Variants in APPL2 observed in about 807,000 individuals in gnomAD.
APPL2 encodes the protein DCC-interacting protein 13-beta.
APPL2 carries 84 observed loss-of-function variants against 92.7 expected under a neutral mutation model. The observed-to-expected ratio is 0.91, with a 90% confidence interval of 0.76 to 1.09. The LOEUF (loss-of-function observed/expected upper bound fraction) is 1.09. Ranked by LOEUF, APPL2 falls within the 50% of genes least tolerant of loss-of-function variation. APPL2 has a pLI of 0.00. For missense variants in APPL2, 736 were observed against 824.5 expected (o/e 0.89, Z 1.31); for synonymous variants, 291 against 291.0 (o/e 1.00, Z 0.00).
At chr12:105,175,073 G>A (rs542243416) in intron 20 of APPL2, among the ~76,000 whole-genome samples, 10 of 152,172 alleles carry the variant, frequency 6.6e-5, no homozygotes, top group African/African-American at 2.4e-4. Context: ...TAGTAGAGAT[G>A]GGGTTTCACC....
chr12:105,183,593 T>C (rs1034129781), intron 17 of APPL2, among the ~76,000 whole-genome samples: 8 of 152,308 alleles, frequency 5.3e-5, no homozygotes, highest in Non-Finnish European at 8.8e-5. Context: ...CCCCCACTCT[T>C]TTCTGGGTTG....
At chr12:105,175,189 T>C (rs749258615) in intron 20 of APPL2, among the ~76,000 whole-genome samples, 2 of 152,192 alleles carry the variant, frequency 1.3e-5, no homozygotes, top group African/African-American at 2.4e-5. Context: ...TGGCCTGCTT[T>C]TGTCTTATGA....
rs139347026 is a variant in APPL2 at position 105,204,915 on chromosome 12, C to A, written c.622-1130G>T. ...CAATGTAACACTGGAGGTCACTGTTCCGTTCTCAAAAACCTGCGCACTGAT... is the reference window on the plus strand; with the variant it reads ...CAATGTAACACTGGAGGTCACTGTTACGTTCTCAAAAACCTGCGCACTGAT... On this transcript the variant is annotated intron_variant, in intron 8 of 20. Coordinates refer to ENST00000258530, the MANE Select transcript of APPL2 (RefSeq NM_018171.5). 1.5e-3 allele frequency among the ~76,000 whole-genome samples: 236 copies of A among 152,280 alleles called. 1 individual carries two copies. Among genetic ancestry groups the A allele is most frequent in the African/African-American group, 5.4e-3 (226 of 41,554 alleles).
chr12:105,207,846 A>T, intron 7 of APPL2, 125 bp downstream of exon 7: 1 of 788,350 alleles, frequency 1.3e-6, no homozygotes. Context: ...GAACAATTTT[A>T]AAAGTCCATG....
At chr12:105,209,831 G>A (rs1889062549) in intron 5 of APPL2, among the ~76,000 whole-genome samples, 1 of 152,116 alleles carries the variant, frequency 6.6e-6, no homozygotes, top group Admixed American at 6.5e-5. Context: ...GGCATTACTT[G>A]TTATTTTTTA....
At chr12:105,194,387 A>G (rs1887463235) in intron 14 of APPL2, among the ~76,000 whole-genome samples, 1 of 152,176 alleles carries the variant, frequency 6.6e-6, no homozygotes, top group Non-Finnish European at 1.5e-5. Flanking sequence ...TAAATATTCA[A>G]TGGTTAATAA....
chr12:105,192,973 C>T (rs537324782), intron 14 of APPL2, among the ~76,000 whole-genome samples: 5 of 152,298 alleles, frequency 3.3e-5, no homozygotes, highest in African/African-American at 1.2e-4. Flanking sequence ...TCCCCCCCCA[C>T]TGTCATCAAA....
rs1438907941 is a variant in APPL2, at chr12:105,177,175, A to G, written c.1671+51T>C. Reference sequence around the variant, plus strand: ...CCTAGGCTGTGTTTAAGGTAGATACAAAGGTGAATTAAGGAGTAATCACTA... The same window carrying G: ...CCTAGGCTGTGTTTAAGGTAGATACGAAGGTGAATTAAGGAGTAATCACTA... On this transcript the variant is annotated intron_variant, in intron 18 of 20. Coordinates refer to ENST00000258530, the MANE Select transcript of APPL2 (RefSeq NM_018171.5). 1.7e-5 allele frequency: 28 copies of G among 1,605,800 alleles called. No individual in the cohort carries two copies. In the Admixed American group the frequency reaches 4.7e-4, roughly 27 times the overall value.
rs768459444 is a variant in APPL2 at position 105,207,167 on chromosome 12, C to T, written c.515G>A (p.Arg172Gln). ...EVGKEVAAARRKQHLSSLQYY... is the reference protein window; with the variant it reads ...EVGKEVAAARQKQHLSSLQYY... ...CTGAAGGGAGGAGAGGTGCTGCTTC[C>T]GCCGGGCCGCGGCCACCTCTTTTCC... The change falls in exon 8 of 21, where the codon CGG (arginine) becomes CAG (glutamine). Residue 172 changes from arginine to glutamine, a missense_variant. Arg to Gln is a conservative substitution (Grantham distance 43, BLOSUM62 1). Transcript: ENST00000258530. 42 of 1,613,972 alleles carry T rather than the reference C, an allele frequency of 2.6e-5. No individual in the cohort carries two copies. The East Asian group carries it at 4.7e-4, about 18-fold the overall frequency.
At chr12:105,197,980 T>C in intron 10 of APPL2, 27 bp from the exon 11 acceptor site, 1 of 1,607,026 alleles carries the variant, frequency 6.2e-7, no homozygotes, top group Non-Finnish European at 8.5e-7. Flanking sequence ...AAAAAGCCCA[T>C]TAGTACCAGA....
chr12:105,212,363 T>C (rs1431818221), intron 4 of APPL2, among the ~76,000 whole-genome samples: 2 of 152,200 alleles, frequency 1.3e-5, no homozygotes, highest in Non-Finnish European at 2.9e-5. Context: ...TGAGTACTTT[T>C]TGCATGCCAG....
chr12:105,174,726 T>G (rs1236747947), intron 20 of APPL2, among the ~76,000 whole-genome samples: 1 of 152,234 alleles, frequency 6.6e-6, no homozygotes, highest in Non-Finnish European at 1.5e-5. Context: ...ACTTTTGTCT[T>G]CTCTATCTTT....
intron 9 of APPL2, among the ~76,000 whole-genome samples, chr12:105,202,495 A>G (rs1242045373): frequency 1.3e-5 from 2 of 152,254 alleles, no homozygotes; most frequent in African/African-American, 4.8e-5. Context: ...TGGTTCTTCC[A>G]GAAACACAGA....
At chr12:105,184,238 C>A (rs1190579101) in intron 17 of APPL2, among the ~76,000 whole-genome samples, 1 of 152,142 alleles carries the variant, frequency 6.6e-6, no homozygotes, top group Non-Finnish European at 1.5e-5. Context: ...TGTTATTACT[C>A]ACCTTCTGAA....
intron 8 of APPL2, among the ~76,000 whole-genome samples, chr12:105,204,232 G>A (rs776001436): frequency 6.6e-6 from 1 of 152,124 alleles, no homozygotes; most frequent in Non-Finnish European, 1.5e-5. Flanking sequence ...CTGCTGGTTG[G>A]GAGGTAACAG....
chr12:105,185,543 C>T (rs937493345), intron 17 of APPL2, among the ~76,000 whole-genome samples: 2 of 151,856 alleles, frequency 1.3e-5, no homozygotes, highest in Non-Finnish European at 2.9e-5. Context: ...TGCAATGCCG[C>T]ACGCTACTTC....
chr12:105,217,949 A>G (rs1284289958), intron 2 of APPL2, among the ~76,000 whole-genome samples: 1 of 152,152 alleles, frequency 6.6e-6, no homozygotes, highest in Non-Finnish European at 1.5e-5. Flanking sequence ...CAAAATAAAA[A>G]CATTTTTAAT....
chr12:105,174,896 C>T (rs566227103), intron 20 of APPL2, among the ~76,000 whole-genome samples: 20 of 130,354 alleles, frequency 1.5e-4, no homozygotes, highest in African/African-American at 4.5e-4. Flanking sequence ...GGTGGTGCGG[C>T]GGTTGGAGAC....
At chr12:105,198,520 C>T (rs1291928153) in intron 10 of APPL2, among the ~76,000 whole-genome samples, 6 of 152,198 alleles carry the variant, frequency 3.9e-5, no homozygotes, top group Non-Finnish European at 5.9e-5. Context: ...GTGATCGCTG[C>T]AAGTTCACAG....
Sources: allele counts gnomAD v4.1 joint callset (sites outside exome capture counted in the v4.1 genomes callset), GRCh38; gene constraint gnomAD v4.1.1; transcripts MANE v1.5; gene names NCBI Gene and HGNC (gene_info 2026-07-23, HGNC 2026-07-21).